EIF1AD: variants seen among roughly 807,000 people sequenced by gnomAD.
EIF1AD encodes probable RNA-binding protein EIF1AD.
In EIF1AD, 9 loss-of-function variants were observed where a neutral mutation model predicts 21.7. That is an observed-to-expected ratio of 0.41 (90% CI 0.25 to 0.72). EIF1AD has a LOEUF of 0.72. EIF1AD is among the 30% of genes least tolerant of loss of function. EIF1AD has a pLI of 0.29. For synonymous variants in EIF1AD, 78 were observed against 70.9 expected, an observed-to-expected ratio of 1.10 and a Z score of -0.50; for missense variants, 164 against 199.7, an observed-to-expected ratio of 0.82 and a Z score of 1.08.
At chr11:65,999,439 T>C (rs1855854415) in intron 4 of EIF1AD, 42 bp from the exon 5 acceptor site, 1 of 1,614,020 alleles carries the variant, frequency 6.2e-7, no homozygotes, top group South Asian at 1.1e-5. Context: ...GACAAATAAA[T>C]TTCTCACAAA....
chr11:66,000,264 G>A, intron 2 of EIF1AD, 39 bp downstream of exon 2: 3 of 1,612,820 alleles, frequency 1.9e-6, no homozygotes, highest in Non-Finnish European at 2.5e-6. Context: ...AGGGCTGCAG[G>A]GGTGGGGAGC....
rs1855776159 is a variant in EIF1AD, at chr11:65,997,588, T to C, written c.*1011A>G. 6.6e-6 allele frequency: 1 copy of C among 152,016 alleles called. No homozygotes were observed. Among genetic ancestry groups the C allele is most frequent in the African/African-American group, 2.4e-5 (1 of 41,350 alleles). The allele number at this position is 152,016 out of a possible 1,614,324, so 9.4% of individuals were successfully genotyped here. On this transcript the variant is annotated 3_prime_UTR_variant, in exon 6 of 6. Transcript: ENST00000533544. ...GGCAGTGCTTAGTGTCCATCTGAGGTTTGTAATGATAAACGTAAGGTACAA... is the reference window on the plus strand; with the variant it reads ...GGCAGTGCTTAGTGTCCATCTGAGGCTTGTAATGATAAACGTAAGGTACAA...
intron 3 of EIF1AD, 70 bp from the exon 4 acceptor site, chr11:65,999,745 G>A: frequency 2.8e-6 from 3 of 1,055,258 alleles, no homozygotes; most frequent in Non-Finnish European, 2.9e-6. Context: ...CATAGGAAGG[G>A]GTTCTATCTC....
rs766510565 is a variant in EIF1AD at position 65,999,341 on chromosome 11, G to C, written c.353+9C>G. The C allele has an allele frequency of 5.6e-6, 9 of 1,614,218 alleles. No homozygotes were observed. The highest frequency in any genetic ancestry group is 7.6e-6 in the Non-Finnish European group (9 of 1,180,030). ...TTCCATGTACCCCACCCCAAGGCTT[G>C]TTCCTCACCTGTTCCTGTTGTTGTG... On this transcript the variant is annotated intron_variant, in intron 5 of 5. Transcript: ENST00000533544.
intron 1 of EIF1AD, among the ~76,000 whole-genome samples, chr11:66,001,632 T>C (rs1001575937): frequency 1.3e-5 from 2 of 152,098 alleles, no homozygotes; most frequent in Non-Finnish European, 2.9e-5. Context: ...AAGTCTAGCA[T>C]AGTCACACAA....
Position 65,998,648 on chromosome 11 carries a change from C to T in EIF1AD, c.449G>A (p.Arg150Lys). 6.2e-7 allele frequency: 1 copy of T among 1,614,180 alleles called. No homozygotes were observed. The highest frequency in any genetic ancestry group is 8.5e-7 in the Non-Finnish European group (1 of 1,180,046). ...DSDLFVNTNR[R>K]QYHESEEESE... ...CTCCTCCTCACTCTCATGATACTGT[C>T]TGCGGTTTGTGTTAACAAACAGGTC... The change falls in exon 6 of 6, where the codon AGA becomes AAA. Residue 150 changes from arginine (R) to lysine (K), a missense_variant. Arg to Lys is a conservative substitution (Grantham distance 26). Coordinates refer to ENST00000533544, the MANE Select transcript of EIF1AD (RefSeq NM_001242481.2).
At chr11:66,000,531 T>A in intron 1 of EIF1AD, 26 bp from the exon 2 acceptor site, 1 of 749,042 alleles carries the variant, frequency 1.3e-6, no homozygotes, top group Non-Finnish European at 2.2e-6. Flanking sequence ...GTGTCTTGGT[T>A]AAGAACATGG....
chr11:66,001,230 T>C (rs572882259), intron 1 of EIF1AD, among the ~76,000 whole-genome samples: 47 of 152,030 alleles, frequency 3.1e-4, no homozygotes, highest in Admixed American at 7.2e-4. Flanking sequence ...TCCCAGCACT[T>C]TGGGAGGCCG....
chr11:65,996,719 T>C lies in EIF1AD; in HGVS notation c.*1880A>G, dbSNP rs1297714490. On this transcript the variant is annotated 3_prime_UTR_variant, in exon 6 of 6. Transcript: ENST00000533544. The stretch of plus-strand genomic sequence containing the variant: ...TGGAGGACGTGGGAATCAGTACAGG[T>C]TTTCACGCCTGTTTCAGAAATGGGA... 1 of 151,358 alleles carries C rather than the reference T, an allele frequency of 6.6e-6. No individual in the cohort carries two copies. Among genetic ancestry groups the C allele is most frequent in the Non-Finnish European group, 1.5e-5 (1 of 67,816 alleles). 9.4% of individuals were successfully genotyped at this position (151,358 alleles called of 1,614,324 possible). A position where few individuals can be genotyped will look rare whatever the true frequency, so the allele number is the denominator to read the frequency against.
Position 65,999,682 on chromosome 11 carries a change from A to G in EIF1AD, c.197-7T>C, listed in dbSNP as rs507672. 0.82 allele frequency: 1,313,454 copies of G among 1,607,102 alleles called. 540,088 individuals carry two copies. Among genetic ancestry groups the G allele is most frequent in the Admixed American group, 0.86 (51,834 of 59,924 alleles). On this transcript the variant is annotated splice_polypyrimidine_tract_variant and splice_region_variant and intron_variant, in intron 3 of 5. Coordinates refer to ENST00000533544, the MANE Select transcript of EIF1AD (RefSeq NM_001242481.2). The stretch of plus-strand genomic sequence containing the variant: ...TCAACAATGAGAAAGTCCCCTGTAG[A>G]TAAGAAGAGAAAAGGCAAAGTCAGG...
chr11:65,999,251 C>T (rs1385637903), intron 5 of EIF1AD, 99 bp downstream of exon 5: 4 of 1,499,192 alleles, frequency 2.7e-6, no homozygotes, highest in Admixed American at 1.7e-5. Flanking sequence ...TCAACAGATA[C>T]CCTATGTAAG....
chr11:65,998,081 G>A lies in EIF1AD; in HGVS notation c.*518C>T, dbSNP rs72930945. ...CCGTACACAGGGTGACTAGAAAGGC[G>A]GGGAGAACAGCACGAGGCACCATGG... On this transcript the variant is annotated 3_prime_UTR_variant, in exon 6 of 6. Transcript: ENST00000533544. 6,767 of 153,556 alleles carry A rather than the reference G, an allele frequency of 0.044. 230 individuals carry two copies. The highest frequency in any genetic ancestry group is 0.15 in the East Asian group (798 of 5,174). The allele number at this position is 153,556 out of a possible 1,614,324, so 9.5% of individuals were successfully genotyped here.
chr11:65,999,930 G>C, intron 3 of EIF1AD, 123 bp downstream of exon 3: 1 of 752,534 alleles, frequency 1.3e-6, no homozygotes, highest in African/African-American at 1.7e-5. Flanking sequence ...TCACAGGCAC[G>C]TGCCCAACTA....
Position 65,997,239 on chromosome 11 carries a change from G to C in EIF1AD, c.*1360C>G, listed in dbSNP as rs1855756219. On this transcript the variant is annotated 3_prime_UTR_variant, in exon 6 of 6. Transcript: ENST00000533544. ...CTACTCGGGAGGCTGAGGCAGGAGA[G>C]TTACTTGAACCCAGTAGGTGAAGGT... The C allele has an allele frequency of 6.9e-6, 1 of 144,506 alleles. No individual in the cohort carries two copies. Among genetic ancestry groups the C allele is most frequent in the African/African-American group, 2.5e-5 (1 of 39,268 alleles). 9.0% of individuals were successfully genotyped at this position (144,506 alleles called of 1,614,324 possible). A position where few individuals can be genotyped will look rare whatever the true frequency, so the allele number is the denominator to read the frequency against.
chr11:65,997,903 G>C lies in EIF1AD; in HGVS notation c.*696C>G, dbSNP rs1425391577. On this transcript the variant is annotated 3_prime_UTR_variant, in exon 6 of 6. Transcript: ENST00000533544. ...ATCAATGTCCTCAGGGAATAATCAG[G>C]TTTCAAATAAAGTCAGGAGATGGAT... 1 of 152,250 alleles carries C rather than the reference G, an allele frequency of 6.6e-6. No individual in the cohort carries two copies. Among genetic ancestry groups the C allele is most frequent in the African/African-American group, 2.4e-5 (1 of 41,438 alleles). The allele number at this position is 152,250 out of a possible 1,614,324, so 9.4% of individuals were successfully genotyped here.
intron 3 of EIF1AD, 80 bp downstream of exon 3, chr11:65,999,973 T>A: frequency 1.7e-6 from 2 of 1,163,262 alleles, no homozygotes; most frequent in Non-Finnish European, 2.5e-6. Flanking sequence ...AAGGTCTCAT[T>A]ATGCTGCCCA....
Position 65,997,582 on chromosome 11 carries a change from C to A in EIF1AD, c.*1017G>T, listed in dbSNP as rs1324773253. On this transcript the variant is annotated 3_prime_UTR_variant, in exon 6 of 6. Transcript: ENST00000533544. Reference sequence around the variant, plus strand: ...CTGCTGGGCAGTGCTTAGTGTCCATCTGAGGTTTGTAATGATAAACGTAAG... The same window carrying A: ...CTGCTGGGCAGTGCTTAGTGTCCATATGAGGTTTGTAATGATAAACGTAAG... The A allele has an allele frequency of 6.6e-6, 1 of 151,916 alleles. No individual in the cohort carries two copies. Among genetic ancestry groups the A allele is most frequent in the African/African-American group, 2.4e-5 (1 of 41,300 alleles). The allele number at this position is 151,916 out of a possible 1,614,324, so 9.4% of individuals were successfully genotyped here.
rs1013627107 is a variant in EIF1AD at position 66,000,651 on chromosome 11, T to C, written c.-116-146A>G. 3.7e-5 allele frequency: 16 copies of C among 436,752 alleles called. No individual in the cohort carries two copies. The Admixed American group carries it at 4.6e-4, about 12-fold the overall frequency. 27.1% of individuals were successfully genotyped at this position (436,752 alleles called of 1,614,324 possible). On this transcript the variant is annotated intron_variant, in intron 1 of 5. Coordinates refer to ENST00000533544, the MANE Select transcript of EIF1AD (RefSeq NM_001242481.2). Reference sequence around the variant, plus strand: ...CAGCTAACTCAGCACTGTTACAGTATGGTATGAGGCCACCACTTCTCCTGT... The same window carrying C: ...CAGCTAACTCAGCACTGTTACAGTACGGTATGAGGCCACCACTTCTCCTGT...
intron 5 of EIF1AD, 64 bp downstream of exon 5, chr11:65,999,286 C>A (rs1029311100): frequency 1.2e-5 from 19 of 1,608,540 alleles, no homozygotes; most frequent in Admixed American, 1.7e-5. Context: ...CTATTTTTCC[C>A]TCAAGGCACC....
Sources: gnomAD v4.1 joint callset for allele counts (sites outside exome capture counted in the v4.1 genomes callset) on GRCh38, gnomAD v4.1.1 for gene constraint, MANE v1.5 for transcripts, NCBI Gene and HGNC (gene_info 2026-07-23, HGNC 2026-07-21) for gene names.